The following NRXN1 variants were observed in gnomAD, a reference collection of about 807,000 sequenced individuals.
The protein encoded by NRXN1 is neurexin 1.
NRXN1 carries 39 observed loss-of-function variants against 150.9 expected under a neutral mutation model. The ratio of observed to expected loss-of-function variants is 0.26; its 90% CI spans 0.20 to 0.34. NRXN1 has a LOEUF of 0.34. Ranked by LOEUF, NRXN1 falls within the 10% of genes least tolerant of loss-of-function variation. The pLI is 1.00. For missense variants in NRXN1, 1,815 were observed against 1,949.9 expected (o/e 0.93, Z 1.30); for synonymous variants, 924 against 757.0 (o/e 1.22, Z -3.62).
intron 22 of NRXN1, among the ~76,000 whole-genome samples, chr2:49,942,648 C>A (rs898030078): frequency 6.6e-6 from 1 of 151,498 alleles, no homozygotes; most frequent in Non-Finnish European, 1.5e-5. Flanking sequence ...CCCACTCTGT[C>A]ACCCAGGCTG....
intron 5 of NRXN1, among the ~76,000 whole-genome samples, chr2:50,674,207 G>T (rs1416703879): frequency 6.6e-6 from 1 of 152,152 alleles, no homozygotes; most frequent in African/African-American, 2.4e-5. Context: ...TGGTGATATT[G>T]CCTGGAAGGG....
chr2:49,995,700 A>C (rs1453445095), intron 21 of NRXN1, among the ~76,000 whole-genome samples: 1 of 149,188 alleles, frequency 6.7e-6, no homozygotes, highest in East Asian at 2.0e-4. Flanking sequence ...AGAATGGCGT[A>C]AACCTGGGAG....
At chr2:50,590,411 T>C (rs1398569745) in intron 8 of NRXN1, among the ~76,000 whole-genome samples, 1 of 152,204 alleles carries the variant, frequency 6.6e-6, no homozygotes, top group Admixed American at 6.5e-5. Flanking sequence ...TGAAACATTA[T>C]AGACTATTCT....
intron 5 of NRXN1, among the ~76,000 whole-genome samples, chr2:50,896,215 G>T (rs899332045): frequency 1.2e-4 from 18 of 152,044 alleles, no homozygotes; most frequent in African/African-American, 4.1e-4. Flanking sequence ...ATCACTCAAC[G>T]CTACATCTTC....
intron 17 of NRXN1, among the ~76,000 whole-genome samples, chr2:50,318,080 TAAC>T (rs2075751973): frequency 6.6e-6 from 1 of 151,604 alleles, no homozygotes; most frequent in African/African-American, 2.4e-5. Context: ...AGAATAAACA[TAAC>T]AAAATATAAT....
intron 5 of NRXN1, among the ~76,000 whole-genome samples, chr2:50,843,584 T>C (rs192865218): frequency 3.9e-5 from 6 of 152,342 alleles, no homozygotes; most frequent in African/African-American, 7.2e-5. Flanking sequence ...TTTCATTTCA[T>C]TGGTAATGGG....
chr2:50,347,466 C>A lies in NRXN1; in HGVS notation c.3365-110496G>T, dbSNP rs2078108229. 1 of 1,100,236 alleles carries A rather than the reference C, an allele frequency of 9.1e-7. No homozygotes were observed. The highest frequency in any genetic ancestry group is 1.1e-6 in the Non-Finnish European group (1 of 896,146). 68.2% of individuals were successfully genotyped at this position (1,100,236 alleles called of 1,614,324 possible). A position where few individuals can be genotyped will look rare whatever the true frequency, so the allele number is the denominator to read the frequency against. On this transcript the variant is annotated intron_variant, in intron 17 of 22. Transcript: ENST00000401669. The surrounding 1 kb of genome is among the most constrained non-coding windows in gnomAD (Gnocchi z 4.9). Reference sequence around the variant, plus strand: ...GCCCAACCTCCTTTCAAGACAGAAGCAGACCCCATGGAATCCAGGCGCCCC... The same window carrying A: ...GCCCAACCTCCTTTCAAGACAGAAGAAGACCCCATGGAATCCAGGCGCCCC...
intron 5 of NRXN1, among the ~76,000 whole-genome samples, chr2:50,846,392 C>T (rs1451865172): frequency 6.6e-6 from 1 of 152,132 alleles, no homozygotes; most frequent in Non-Finnish European, 1.5e-5. Flanking sequence ...ACTCGCCAGC[C>T]AGTTAACAAC....
chr2:50,089,205 A>C (rs1699218511), intron 19 of NRXN1, among the ~76,000 whole-genome samples: 1 of 152,230 alleles, frequency 6.6e-6, no homozygotes, highest in East Asian at 1.9e-4. Context: ...AAAAGTTACT[A>C]AATAAAGACA....
intron 21 of NRXN1, among the ~76,000 whole-genome samples, chr2:50,003,863 T>C (rs1378299310): frequency 6.6e-6 from 1 of 152,132 alleles, no homozygotes; most frequent in Non-Finnish European, 1.5e-5. Flanking sequence ...TTCATGTCAT[T>C]CCAGATAGAA....
chr2:50,540,230 A>G (rs1346050515), intron 9 of NRXN1, among the ~76,000 whole-genome samples: 1 of 152,224 alleles, frequency 6.6e-6, no homozygotes, highest in Admixed American at 6.5e-5. Flanking sequence ...AGCAAAATAG[A>G]GATTTCCTAG....
intron 18 of NRXN1, among the ~76,000 whole-genome samples, chr2:50,180,023 A>T (rs1167309770): frequency 2.0e-5 from 3 of 152,044 alleles, no homozygotes; most frequent in Non-Finnish European, 4.4e-5. Flanking sequence ...TAATTTTAAT[A>T]TTAATTTATT....
At chr2:50,262,314 AC>A (rs1384222830) in intron 17 of NRXN1, among the ~76,000 whole-genome samples, 1 of 151,846 alleles carries the variant, frequency 6.6e-6, no homozygotes, top group East Asian at 1.9e-4. Context: ...CTAGCAGTTA[AC>A]TTTTTAATTT....
At chr2:50,570,148 T>C (rs1262420129) in intron 8 of NRXN1, among the ~76,000 whole-genome samples, 5 of 152,114 alleles carry the variant, frequency 3.3e-5, no homozygotes. Context: ...AAGAAGCCAA[T>C]ATCAAAGCAG....
At chr2:49,985,889 C>T (rs1680824692) in intron 21 of NRXN1, among the ~76,000 whole-genome samples, 1 of 152,186 alleles carries the variant, frequency 6.6e-6, no homozygotes, top group Admixed American at 6.5e-5. Flanking sequence ...ACACATTTCA[C>T]ATTCGATGGG....
chr2:50,857,327 A>T (rs1345169700), intron 5 of NRXN1, among the ~76,000 whole-genome samples: 8 of 152,054 alleles, frequency 5.3e-5, no homozygotes, highest in Non-Finnish European at 1.2e-4. Context: ...AGGGTCAGTT[A>T]AAAAGCCAGT....
chr2:51,025,689 C>A (rs1436685943), intron 2 of NRXN1, among the ~76,000 whole-genome samples: 1 of 152,124 alleles, frequency 6.6e-6, no homozygotes, highest in African/African-American at 2.4e-5. Flanking sequence ...AAGTATGCAA[C>A]TTCAAATTAC....
chr2:50,427,260 G>C (rs750798835), intron 17 of NRXN1, among the ~76,000 whole-genome samples: 2 of 150,062 alleles, frequency 1.3e-5, no homozygotes, highest in Non-Finnish European at 2.9e-5. Flanking sequence ...AGTTGTGCAA[G>C]AATAAGTTAA....
chr2:50,945,209 T>C (rs1690147098), intron 2 of NRXN1, among the ~76,000 whole-genome samples: 1 of 152,226 alleles, frequency 6.6e-6, no homozygotes, highest in Non-Finnish European at 1.5e-5. Context: ...GCTCATTGGC[T>C]CATGCCTGTA....
Sources: gnomAD v4.1 joint callset for allele counts (sites outside exome capture counted in the v4.1 genomes callset) on GRCh38, gnomAD v4.1.1 for gene constraint, Gnocchi (gnomAD v3.1) non-coding constraint, MANE v1.5 for transcripts, NCBI Gene and HGNC (gene_info 2026-07-23, HGNC 2026-07-21) for gene names.